Variants in PTPRD observed in about 807,000 individuals in gnomAD.
PTPRD encodes the protein receptor-type tyrosine-protein phosphatase delta.
Under a neutral mutation model 214.5 loss-of-function variants are expected in PTPRD, and 34 were observed. The observed-to-expected ratio is 0.16, with a 90% CI of 0.12 to 0.21. The LOEUF (loss-of-function observed/expected upper bound fraction) is 0.21, where lower values mean the gene tolerates loss of function less well. Ranked by LOEUF, PTPRD falls within the 10% of genes least tolerant of loss-of-function variation. PTPRD has a pLI of 1.00. For synonymous variants in PTPRD, 1,128 were observed against 845.7 expected (o/e 1.33, Z -5.79); for missense variants, 2,545 against 2,398.7 (o/e 1.06, Z -1.27).
intron 9 of PTPRD, among the ~76,000 whole-genome samples, chr9:9,322,549 T>C (rs888126179): frequency 6.6e-6 from 1 of 152,180 alleles, no homozygotes; most frequent in Admixed American, 6.5e-5. Flanking sequence ...CATTTTGGTA[T>C]TATCTTACGC....
chr9:10,105,830 G>A (rs1334542402), intron 3 of PTPRD, among the ~76,000 whole-genome samples: 1 of 151,294 alleles, frequency 6.6e-6, no homozygotes, highest in Admixed American at 6.6e-5. Flanking sequence ...ACAGATTTCA[G>A]GACCCCTGCA....
intron 5 of PTPRD, among the ~76,000 whole-genome samples, chr9:9,885,531 G>C (rs1314297015): frequency 6.6e-6 from 1 of 152,048 alleles, no homozygotes; most frequent in African/African-American, 2.4e-5. Flanking sequence ...GGACTTTGCA[G>C]ATTTGAATAT....
intron 12 of PTPRD, among the ~76,000 whole-genome samples, chr9:8,687,277 C>T (rs2097700094): frequency 6.6e-6 from 1 of 152,156 alleles, no homozygotes; most frequent in Non-Finnish European, 1.5e-5. Flanking sequence ...TCAAGATCTC[C>T]CAATTTTTCT....
chr9:8,632,955 T>C (rs979640878), intron 14 of PTPRD, among the ~76,000 whole-genome samples: 12 of 151,974 alleles, frequency 7.9e-5, no homozygotes, highest in African/African-American at 2.4e-4. Context: ...GTGGTAGTTG[T>C]AAAAAACGTA....
chr9:9,246,620 T>A (rs761568725), intron 9 of PTPRD, among the ~76,000 whole-genome samples: 3 of 152,068 alleles, frequency 2.0e-5, no homozygotes, highest in African/African-American at 7.2e-5. Flanking sequence ...TTCATTTTCA[T>A]AGAAATGCCT....
chr9:8,500,340 T>C (rs771744701), intron 24 of PTPRD, among the ~76,000 whole-genome samples: 7 of 151,464 alleles, frequency 4.6e-5, no homozygotes, highest in Non-Finnish European at 7.4e-5. Context: ...ATGTTGAGCA[T>C]CAATGTCTCT....
At chr9:8,551,204 T>A (rs1436598086) in intron 14 of PTPRD, among the ~76,000 whole-genome samples, 1 of 152,218 alleles carries the variant, frequency 6.6e-6, no homozygotes, top group Admixed American at 6.5e-5. Context: ...TTAACCTCCG[T>A]AGGCATTGGG....
At chr9:10,050,164 T>A (rs1017786853) in intron 3 of PTPRD, among the ~76,000 whole-genome samples, 1 of 151,924 alleles carries the variant, frequency 6.6e-6, no homozygotes, top group East Asian at 1.9e-4. Flanking sequence ...TCCCCAAGAA[T>A]GAGGGTGACT....
chr9:9,941,753 AG>A (rs1035245612), intron 4 of PTPRD, among the ~76,000 whole-genome samples: 7 of 152,274 alleles, frequency 4.6e-5, no homozygotes, highest in African/African-American at 1.7e-4. Flanking sequence ...ACTCTGAAGA[AG>A]AGGTCCCAAA....
intron 5 of PTPRD, among the ~76,000 whole-genome samples, chr9:9,879,377 G>C (rs1210128311): frequency 6.6e-6 from 1 of 152,140 alleles, no homozygotes; most frequent in Non-Finnish European, 1.5e-5. Flanking sequence ...CCTCTAGGTA[G>C]AATTGAATCT....
chr9:9,370,336 A>T (rs1168284789), intron 9 of PTPRD, among the ~76,000 whole-genome samples: 3 of 152,008 alleles, frequency 2.0e-5, no homozygotes, highest in Non-Finnish European at 4.4e-5. Flanking sequence ...CATCCCTTGT[A>T]AGTTGGATTC....
At chr9:8,482,347 T>C (rs562557382) in intron 30 of PTPRD, among the ~76,000 whole-genome samples, 2 of 152,210 alleles carry the variant, frequency 1.3e-5, no homozygotes, top group South Asian at 4.2e-4. Context: ...ACTTCCATCA[T>C]CATCATCTTC....
chr9:8,436,534 C>CA (rs1212852550), intron 35 of PTPRD, 58 bp downstream of exon 35: 6 of 1,350,908 alleles, frequency 4.4e-6, no homozygotes, highest in African/African-American at 2.9e-5. Flanking sequence ...AGAATATGGT[C>CA]AAAAAAAGAG....
chr9:9,509,253 TG>T lies in PTPRD; in HGVS notation c.-237+65478del, dbSNP rs533726280. Among the ~76,000 whole-genome samples, 392 of 151,818 alleles carry T rather than the reference TG, an allele frequency of 2.6e-3. 2 individuals carry two copies. The highest frequency in any genetic ancestry group is 0.01 in the Middle Eastern group (3 of 294). On this transcript the variant is annotated intron_variant, in intron 8 of 45. Transcript: ENST00000381196. ...ATGGGAAAAAAACCCATGTAATTTC[TG>T]CACACTAAAGGTCATTTTTGGTAAC...
intron 2 of PTPRD, among the ~76,000 whole-genome samples, chr9:10,412,118 A>AGATTTGAAGCCAAATGAGAAG (rs2098442009): frequency 6.6e-6 from 1 of 151,822 alleles, no homozygotes; most frequent in Non-Finnish European, 1.5e-5. Context: ...GCCTGAGGGA[A>AGATTTGAAGCCAAATGAGAAG]GATTTGAAGC....
At chr9:9,672,815 C>T (rs1219736774) in intron 7 of PTPRD, among the ~76,000 whole-genome samples, 5 of 151,952 alleles carry the variant, frequency 3.3e-5, no homozygotes, top group Non-Finnish European at 5.9e-5. Context: ...CCTAAATCTG[C>T]ATATTTCTAA....
In PTPRD at chr9:9,147,884, C is replaced by G. The variant is rs1007930219; in HGVS notation, c.-143+35420G>C. Reference sequence around the variant, plus strand: ...TGGCCTCACCCTCTATATTCAGAATCAGAAATTATGGAGGAAGGCAGTTGT... The same window carrying G: ...TGGCCTCACCCTCTATATTCAGAATGAGAAATTATGGAGGAAGGCAGTTGT... On this transcript the variant is annotated intron_variant, in intron 10 of 45. Transcript: ENST00000381196. 7.2e-5 allele frequency among the ~76,000 whole-genome samples: 11 copies of G among 152,204 alleles called. No individual in the cohort carries two copies. The South Asian group carries it at 2.1e-3, about 29-fold the overall frequency.
intron 8 of PTPRD, among the ~76,000 whole-genome samples, chr9:9,443,366 C>G (rs2089020492): frequency 6.6e-6 from 1 of 152,194 alleles, no homozygotes; most frequent in Non-Finnish European, 1.5e-5. Flanking sequence ...TAAACAGAAA[C>G]TACTCTTTTG....
chr9:10,341,483 T>A (rs954120766), intron 2 of PTPRD, among the ~76,000 whole-genome samples: 1 of 151,964 alleles, frequency 6.6e-6, no homozygotes, highest in Non-Finnish European at 1.5e-5. Context: ...ACATTAATGT[T>A]TTGCGTTTCA....
Sources: allele counts gnomAD v4.1 joint callset (sites outside exome capture counted in the v4.1 genomes callset), GRCh38; gene constraint gnomAD v4.1.1; transcripts MANE v1.5; gene names NCBI Gene and HGNC (gene_info 2026-07-23, HGNC 2026-07-21).